Variants in ELL2 observed in about 807,000 individuals in gnomAD.
ELL2 encodes the protein elongation factor for RNA polymerase II 2.
A neutral mutation model predicts 72.8 loss-of-function variants in ELL2; 21 were observed. The observed-to-expected ratio is 0.29, with a 90% confidence interval of 0.20 to 0.42. ELL2 has a LOEUF of 0.42. Among genes scored for constraint, ELL2 ranks in the 10% least tolerant of loss-of-function variants. ELL2 has a pLI of 1.00. For missense variants in ELL2, 568 were observed against 772.8 expected, an observed-to-expected ratio of 0.73 and a Z score of 3.14; for synonymous variants, 266 against 283.2, an observed-to-expected ratio of 0.94 and a Z score of 0.61.
chr5:95,918,450 A>C (rs1749915315), intron 3 of ELL2, among the ~76,000 whole-genome samples: 1 of 152,232 alleles, frequency 6.6e-6, no homozygotes, highest in Non-Finnish European at 1.5e-5. Context: ...ATGACAGATT[A>C]AATAACAAAA....
intron 3 of ELL2, among the ~76,000 whole-genome samples, chr5:95,917,834 G>C (rs1311695637): frequency 6.6e-6 from 1 of 152,138 alleles, no homozygotes; most frequent in African/African-American, 2.4e-5. Context: ...ACAATGATAT[G>C]AATGCTTTTG....
At chr5:95,954,146 T>C (rs1024449059) in intron 1 of ELL2, among the ~76,000 whole-genome samples, 10 of 152,210 alleles carry the variant, frequency 6.6e-5, no homozygotes, top group Non-Finnish European at 1.3e-4. Context: ...CTGTTTTATA[T>C]ATCTGTCTGC....
At chr5:95,891,862 C>T (rs1343189495) in intron 9 of ELL2, among the ~76,000 whole-genome samples, 1 of 152,138 alleles carries the variant, frequency 6.6e-6, no homozygotes, top group Non-Finnish European at 1.5e-5. Flanking sequence ...ACATGAAACA[C>T]AAAAGGGAAA....
intron 5 of ELL2, among the ~76,000 whole-genome samples, chr5:95,904,025 C>G (rs774734023): frequency 8.5e-5 from 13 of 152,212 alleles, no homozygotes; most frequent in Non-Finnish European, 1.5e-4. Context: ...TAGTCTCTCT[C>G]CTCTACTCCT....
At chr5:95,909,266 T>C (rs1233314932) in intron 4 of ELL2, among the ~76,000 whole-genome samples, 1 of 152,188 alleles carries the variant, frequency 6.6e-6, no homozygotes, top group Non-Finnish European at 1.5e-5. Context: ...ATGAATCCCC[T>C]ACCCCCAAAA....
At chr5:95,942,097 T>A (rs1297495710) in intron 2 of ELL2, among the ~76,000 whole-genome samples, 2 of 152,230 alleles carry the variant, frequency 1.3e-5, no homozygotes, top group African/African-American at 4.8e-5. Flanking sequence ...GTAATTAATC[T>A]GACTCTTGAA....
intron 1 of ELL2, among the ~76,000 whole-genome samples, chr5:95,956,639 G>GA (rs1751638127): frequency 1.3e-5 from 2 of 152,156 alleles, no homozygotes; most frequent in South Asian, 4.1e-4. Flanking sequence ...AGCAGAGTAT[G>GA]AGTCTTTTCT....
At chr5:95,920,218 G>C (rs767850788) in intron 2 of ELL2, among the ~76,000 whole-genome samples, 2 of 151,840 alleles carry the variant, frequency 1.3e-5, no homozygotes, top group African/African-American at 4.8e-5. Flanking sequence ...AGGAAACACT[G>C]TGGAACAGGA....
rs560512131 is a variant in ELL2, at chr5:95,919,984, C to T, written c.196-439G>A. Among the ~76,000 whole-genome samples the T allele has an allele frequency of 3.3e-5, 5 of 152,166 alleles. No homozygotes were observed. The East Asian group carries it at 5.8e-4, about 18-fold the overall frequency. On this transcript the variant is annotated intron_variant, in intron 2 of 11. Coordinates refer to ENST00000237853, the MANE Select transcript of ELL2 (RefSeq NM_012081.6). The stretch of plus-strand genomic sequence containing the variant: ...AATCTCTGAGATAAGAGTCCATATC[C>T]GAATCTTTGGCTCTTATAATAAAAA...
chr5:95,900,611 T>C (rs1749096921), intron 7 of ELL2, 82 bp downstream of exon 7: 2 of 1,032,392 alleles, frequency 1.9e-6, no homozygotes, highest in African/African-American at 3.3e-5. Context: ...CGGGTCTCAT[T>C]TCCTTCACTT....
chr5:95,892,609 G>A (rs974627621), intron 9 of ELL2, among the ~76,000 whole-genome samples: 2 of 152,166 alleles, frequency 1.3e-5, no homozygotes, highest in South Asian at 2.1e-4. Flanking sequence ...CAGGTGGCAG[G>A]AGATTCAGGA....
intron 8 of ELL2, among the ~76,000 whole-genome samples, chr5:95,897,238 G>A (rs1294673801): frequency 6.6e-6 from 1 of 152,164 alleles, no homozygotes; most frequent in Non-Finnish European, 1.5e-5. Context: ...AAGGATTACA[G>A]ACTTTCAGAA....
intron 2 of ELL2, among the ~76,000 whole-genome samples, chr5:95,923,212 C>T (rs559125555): frequency 1.3e-5 from 2 of 150,138 alleles, no homozygotes; most frequent in South Asian, 4.2e-4. Context: ...CAATGAGACC[C>T]TGTGTCTATA....
chr5:95,956,950 A>C (rs923309682), intron 1 of ELL2, among the ~76,000 whole-genome samples: 1 of 152,234 alleles, frequency 6.6e-6, no homozygotes, highest in Non-Finnish European at 1.5e-5. Flanking sequence ...ATTTCAATCC[A>C]ATGGAGTTGA....
intron 2 of ELL2, among the ~76,000 whole-genome samples, chr5:95,927,794 T>TATGTGTGTATATAGACAC (rs1750441343): frequency 2.2e-5 from 2 of 89,610 alleles, no homozygotes; most frequent in South Asian, 4.2e-4. Flanking sequence ...TATATAGACA[T>TATGTGTGTATATAGACAC]ACACACACAC....
intron 8 of ELL2, 33 bp from the exon 9 acceptor site, chr5:95,895,724 A>G (rs1231230499): frequency 1.9e-6 from 3 of 1,547,690 alleles, no homozygotes; most frequent in African/African-American, 1.4e-5. Context: ...CAGAGCATTC[A>G]TCAACTACGA....
Position 95,900,715 on chromosome 5 carries a change from C to T in ELL2, c.932G>A (p.Arg311Lys). Residue 311 changes from arginine to lysine, a missense_variant, in exon 7 of 12, where the codon AGA becomes AAA. Physicochemically the swap from Arg to Lys is conservative, Grantham distance 26. Coordinates refer to ENST00000237853, the MANE Select transcript of ELL2 (RefSeq NM_012081.6). ...TACCTGAGGAGAAGATACAGCGTCT[C>T]TACTAGAACATACAGGAGATTCTGA... Reference protein sequence around the residue: ...SRSESPVCSSRDAVSSPQKRL... With the variant: ...SRSESPVCSSKDAVSSPQKRL... The T allele has an allele frequency of 6.2e-7, 1 of 1,603,918 alleles. No individual in the cohort carries two copies. The highest frequency in any genetic ancestry group is 8.5e-7 in the Non-Finnish European group (1 of 1,175,970).
At chr5:95,908,828 G>T (rs1749475044) in intron 4 of ELL2, among the ~76,000 whole-genome samples, 1 of 152,090 alleles carries the variant, frequency 6.6e-6, no homozygotes, top group South Asian at 2.1e-4. Context: ...TTGCAAAAAA[G>T]AAATTTGTTT....
At chr5:95,934,293 C>G (rs1750698041) in intron 2 of ELL2, among the ~76,000 whole-genome samples, 1 of 152,074 alleles carries the variant, frequency 6.6e-6, no homozygotes, top group Admixed American at 6.6e-5. Flanking sequence ...TGCCCTTTTC[C>G]TATGGCTGCT....
Sources: gnomAD v4.1 joint callset for allele counts (sites outside exome capture counted in the v4.1 genomes callset) on GRCh38, gnomAD v4.1.1 for gene constraint, MANE v1.5 for transcripts, NCBI Gene and HGNC (gene_info 2026-07-23, HGNC 2026-07-21) for gene names.